The following CAMK4 variants were observed in gnomAD, a reference collection of about 807,000 sequenced individuals.
CAMK4 encodes calcium/calmodulin-dependent protein kinase type IV.
CAMK4 carries 22 observed loss-of-function variants against 44.9 expected under a neutral mutation model. That is an observed-to-expected ratio of 0.49 (90% CI 0.35 to 0.70). The LOEUF (loss-of-function observed/expected upper bound fraction) is 0.70. Ranked by LOEUF, CAMK4 falls within the 30% of genes least tolerant of loss-of-function variation. The pLI is 0.01. For missense variants in CAMK4, 498 were observed against 586.8 expected, an observed-to-expected ratio of 0.85 and a Z score of 1.56; for synonymous variants, 218 against 215.4, an observed-to-expected ratio of 1.01 and a Z score of -0.11.
intron 8 of CAMK4, among the ~76,000 whole-genome samples, chr5:111,474,882 G>A (rs1258776982): frequency 6.6e-6 from 1 of 152,158 alleles, no homozygotes; most frequent in Non-Finnish European, 1.5e-5. Context: ...CTTGAGAGGG[G>A]CCGGGCACAG....
chr5:111,224,370 G>A, upstream of CAMK4: 1 of 1,352,518 alleles, frequency 7.4e-7, no homozygotes, highest in Non-Finnish European at 9.5e-7. This position sits in a 1 kb window ranked among gnomAD's most constrained non-coding sequence, Gnocchi z 5.7. Context: ...GTGCGCGCGT[G>A]AAGGACGCCG....
intron 1 of CAMK4, among the ~76,000 whole-genome samples, chr5:111,243,069 GTT>G (rs1027116872): frequency 2.0e-5 from 3 of 152,126 alleles, no homozygotes; most frequent in African/African-American, 7.2e-5. Context: ...CCGGGCAGAT[GTT>G]TAAAACATTA....
intron 1 of CAMK4, among the ~76,000 whole-genome samples, chr5:111,331,164 T>C (rs1749152271): frequency 6.6e-6 from 1 of 151,490 alleles, no homozygotes; most frequent in Non-Finnish European, 1.5e-5. Flanking sequence ...TTAAGAACAA[T>C]AACAAAGCAA....
chr5:111,277,870 T>G (rs1015482455), intron 1 of CAMK4, among the ~76,000 whole-genome samples: 7 of 152,198 alleles, frequency 4.6e-5, no homozygotes, highest in Non-Finnish European at 8.8e-5. Context: ...TATTGGTATA[T>G]AAATATAAAA....
chr5:111,300,352 G>A (rs954793358), intron 1 of CAMK4, among the ~76,000 whole-genome samples: 2 of 152,094 alleles, frequency 1.3e-5, no homozygotes, highest in African/African-American at 4.8e-5. Flanking sequence ...TTTGCCTTGT[G>A]GGGGAGTAGG....
chr5:111,296,554 C>G (rs1441607958), intron 1 of CAMK4, among the ~76,000 whole-genome samples: 1 of 152,126 alleles, frequency 6.6e-6, no homozygotes, highest in African/African-American at 2.4e-5. Flanking sequence ...ATTGTTTTAT[C>G]AAATAAGTAT....
chr5:111,307,241 T>C (rs1258857374), intron 1 of CAMK4, among the ~76,000 whole-genome samples: 1 of 24,240 alleles, frequency 4.1e-5, no homozygotes, highest in Non-Finnish European at 6.8e-5. Flanking sequence ...AAGCCAAAAT[T>C]GACAAATGGG....
At chr5:111,395,494 T>A (rs373859892) in intron 5 of CAMK4, among the ~76,000 whole-genome samples, 1 of 151,718 alleles carries the variant, frequency 6.6e-6, no homozygotes, top group Non-Finnish European at 1.5e-5. Context: ...GAGGGTTGAA[T>A]GTGATGTAAA....
intron 5 of CAMK4, among the ~76,000 whole-genome samples, chr5:111,441,764 C>T (rs1176654409): frequency 6.6e-6 from 1 of 151,832 alleles, no homozygotes; most frequent in African/African-American, 2.4e-5. Flanking sequence ...TATGTTAATC[C>T]CCATGATTTA....
intron 7 of CAMK4, among the ~76,000 whole-genome samples, chr5:111,454,168 TA>T (rs1397185747): frequency 6.6e-6 from 1 of 152,170 alleles, no homozygotes; most frequent in Admixed American, 6.5e-5. Flanking sequence ...GACACCCATA[TA>T]ATTGACAGAG....
At chr5:111,382,374 C>T (rs306119) in intron 4 of CAMK4, among the ~76,000 whole-genome samples, 55,188 of 151,890 alleles carry the variant, frequency 0.36, 10,472 homozygotes, top group Non-Finnish European at 0.42. Context: ...TGTTTCTTGT[C>T]CCAGTCTTTC....
intron 4 of CAMK4, among the ~76,000 whole-genome samples, chr5:111,378,689 G>A (rs1751305949): frequency 6.6e-6 from 1 of 152,170 alleles, no homozygotes; most frequent in Non-Finnish European, 1.5e-5. Flanking sequence ...AAGGAAGTAA[G>A]CATCAGTAGC....
intron 4 of CAMK4, among the ~76,000 whole-genome samples, chr5:111,389,495 A>G (rs1352221166): frequency 6.6e-6 from 1 of 152,170 alleles, no homozygotes; most frequent in Non-Finnish European, 1.5e-5. Flanking sequence ...CTTTATGAAG[A>G]GTGATGATGC....
intron 7 of CAMK4, among the ~76,000 whole-genome samples, chr5:111,457,117 G>T (rs558323614): frequency 6.6e-6 from 1 of 152,238 alleles, no homozygotes; most frequent in African/African-American, 2.4e-5. Flanking sequence ...AGTTTCTTTG[G>T]ATAGCTATGG....
intron 1 of CAMK4, among the ~76,000 whole-genome samples, chr5:111,291,662 C>A (rs1329984656): frequency 1.3e-5 from 2 of 152,134 alleles, no homozygotes; most frequent in Non-Finnish European, 2.9e-5. Flanking sequence ...AGGCAAGGAC[C>A]ACCATACCCA....
chr5:111,342,656 A>G (rs1482102888), intron 1 of CAMK4, among the ~76,000 whole-genome samples: 2 of 151,494 alleles, frequency 1.3e-5, no homozygotes, highest in Non-Finnish European at 3.0e-5. Context: ...AAACCACCAC[A>G]TTGTTAGCTG....
At chr5:111,398,819 A>G (rs1752117162) in intron 5 of CAMK4, among the ~76,000 whole-genome samples, 1 of 152,086 alleles carries the variant, frequency 6.6e-6, no homozygotes, top group Non-Finnish European at 1.5e-5. Context: ...GTCTGCTAAA[A>G]CCTAGAATTC....
intron 5 of CAMK4, among the ~76,000 whole-genome samples, chr5:111,430,274 A>G (rs2112937561): frequency 6.6e-6 from 1 of 152,354 alleles, no homozygotes; most frequent in African/African-American, 2.4e-5. Context: ...ACCTCCTTTC[A>G]TGATAAAATA....
chr5:111,228,938 T>G (rs942451478), intron 1 of CAMK4, among the ~76,000 whole-genome samples: 2 of 152,154 alleles, frequency 1.3e-5, no homozygotes, highest in Non-Finnish European at 2.9e-5. Flanking sequence ...GGGCACACAG[T>G]AATTTGAACT....
Sources: allele counts gnomAD v4.1 joint callset (sites outside exome capture counted in the v4.1 genomes callset), GRCh38; gene constraint gnomAD v4.1.1; non-coding constraint Gnocchi (gnomAD v3.1); transcripts MANE v1.5; gene names NCBI Gene and HGNC (gene_info 2026-07-23, HGNC 2026-07-21).